Variants in EIF2A observed in about 807,000 individuals in gnomAD.
EIF2A encodes 65 kDa eukaryotic translation initiation factor 2A.
In EIF2A, 62 loss-of-function variants were observed where a neutral mutation model predicts 75.2. That is an observed-to-expected ratio of 0.82 (90% CI 0.67 to 1.02). The LOEUF (loss-of-function observed/expected upper bound fraction) is 1.02, where lower values mean the gene tolerates loss of function less well. EIF2A is among the 50% of genes least tolerant of loss of function. The pLI, the probability that EIF2A is intolerant of heterozygous loss-of-function variation, is 0.00. For synonymous variants in EIF2A, 207 were observed against 239.0 expected (o/e 0.87, Z 1.23); for missense variants, 611 against 677.7 (o/e 0.90, Z 1.09).
chr3:150,570,140 C>T (rs1440709743), intron 9 of EIF2A, among the ~76,000 whole-genome samples: 1 of 151,602 alleles, frequency 6.6e-6, no homozygotes, highest in Admixed American at 6.6e-5. Context: ...TTTTTCTAAT[C>T]TTAAGAGTAG....
chr3:150,570,121 G>T (rs1724421292), intron 9 of EIF2A, among the ~76,000 whole-genome samples: 1 of 151,996 alleles, frequency 6.6e-6, no homozygotes, highest in African/African-American at 2.4e-5. Flanking sequence ...AGAATATATG[G>T]GAGAATTTTT....
Position 150,546,813 on chromosome 3 carries a change from C to A in EIF2A, c.11C>A (p.Ser4Tyr), listed in dbSNP as rs771583168. The A allele has an allele frequency of 2.5e-6, 4 of 1,612,400 alleles. No homozygotes were observed. The East Asian group carries it at 8.9e-5, about 36-fold the overall frequency. ...TCTTTCCGGGACAACATGGCGCCGTCCACGCCGCTCTTGACAGGTGAGTTC... is the reference window on the plus strand; with the variant it reads ...TCTTTCCGGGACAACATGGCGCCGTACACGCCGCTCTTGACAGGTGAGTTC... MAP[S>Y]TPLLTVRGSE... Residue 4 changes from serine (S) to tyrosine (Y), a missense_variant, in exon 1 of 14, where the codon TCC (serine) becomes TAC (tyrosine). Coordinates refer to ENST00000460851, the MANE Select transcript of EIF2A (RefSeq NM_032025.5).
Position 150,561,960 on chromosome 3 carries a change from T to C in EIF2A, c.174-582T>C, listed in dbSNP as rs1170050651. ...TGTTAGTAGAGACAGAGGTTCTCCATGTTGGCCAGGCTGGTCTCGAACTCC... is the reference window on the plus strand; with the variant it reads ...TGTTAGTAGAGACAGAGGTTCTCCACGTTGGCCAGGCTGGTCTCGAACTCC... On this transcript the variant is annotated intron_variant, in intron 3 of 13. Transcript: ENST00000460851. Among the ~76,000 whole-genome samples, 3 of 152,000 alleles carry C rather than the reference T, an allele frequency of 2.0e-5. No individual in the cohort carries two copies. In the East Asian group the frequency reaches 5.9e-4, roughly 30 times the overall value.
chr3:150,576,854 A>C (rs1177299706), intron 11 of EIF2A, among the ~76,000 whole-genome samples: 1 of 152,238 alleles, frequency 6.6e-6, no homozygotes, highest in Non-Finnish European at 1.5e-5. Flanking sequence ...ACGTAGTTGA[A>C]AAGCCACACC....
chr3:150,546,888 T>G, intron 1 of EIF2A, 58 bp downstream of exon 1: 1 of 1,604,580 alleles, frequency 6.2e-7, no homozygotes, highest in Non-Finnish European at 8.5e-7. Context: ...TATTTTTGTC[T>G]TTGCCTTTGA....
chr3:150,548,617 G>C (rs1348263035), intron 1 of EIF2A, among the ~76,000 whole-genome samples: 2 of 152,200 alleles, frequency 1.3e-5, no homozygotes, highest in East Asian at 3.9e-4. Context: ...AGCCTCATAA[G>C]AGCGCAAACC....
chr3:150,555,995 A>T (rs1247216019), intron 2 of EIF2A, among the ~76,000 whole-genome samples: 1 of 152,138 alleles, frequency 6.6e-6, no homozygotes, highest in African/African-American at 2.4e-5. Flanking sequence ...ACAGGGTAAG[A>T]AGTTTACTAC....
At chr3:150,569,421 T>A (rs1324307693) in intron 9 of EIF2A, among the ~76,000 whole-genome samples, 2 of 26,740 alleles carry the variant, frequency 7.5e-5, no homozygotes, top group African/African-American at 1.9e-4. Flanking sequence ...TGCTAACTGA[T>A]TTTTTTTTTT....
intron 1 of EIF2A, among the ~76,000 whole-genome samples, chr3:150,550,697 T>C (rs577350473): frequency 1.3e-5 from 2 of 152,146 alleles, no homozygotes; most frequent in African/African-American, 2.4e-5. Flanking sequence ...ACAAGAAATA[T>C]AAAACTTAAC....
intron 9 of EIF2A, among the ~76,000 whole-genome samples, chr3:150,570,922 C>T (rs1054173378): frequency 2.6e-5 from 4 of 151,704 alleles, no homozygotes; most frequent in Admixed American, 1.3e-4. Context: ...CAAAATTAGC[C>T]CGGCGTGGTG....
At chr3:150,551,959 T>A (rs939245183) in intron 1 of EIF2A, among the ~76,000 whole-genome samples, 1 of 152,222 alleles carries the variant, frequency 6.6e-6, no homozygotes, top group South Asian at 2.1e-4. Context: ...TATTACTTTA[T>A]ATAAAGCATA....
At chr3:150,582,529 T>G (rs979400867) in intron 12 of EIF2A, among the ~76,000 whole-genome samples, 1 of 151,994 alleles carries the variant, frequency 6.6e-6, no homozygotes, top group African/African-American at 2.4e-5. Flanking sequence ...TTAGCCAGGA[T>G]GGTTTCAATC....
chr3:150,547,565 A>G (rs547709422), intron 1 of EIF2A, among the ~76,000 whole-genome samples: 57 of 152,292 alleles, frequency 3.7e-4, no homozygotes, highest in Middle Eastern at 3.4e-3. Context: ...AGTATTACGT[A>G]AGGAAAAGAG....
intron 1 of EIF2A, among the ~76,000 whole-genome samples, chr3:150,549,314 G>A (rs1723204771): frequency 6.6e-6 from 1 of 151,216 alleles, no homozygotes; most frequent in Non-Finnish European, 1.5e-5. Flanking sequence ...CACCTCCCAA[G>A]TGCAAGCAAT....
At chr3:150,575,598 A>T in intron 10 of EIF2A, 51 bp from the exon 11 acceptor site, 1 of 1,307,668 alleles carries the variant, frequency 7.6e-7, no homozygotes, top group Non-Finnish European at 1.1e-6. Flanking sequence ...TTGTTGTTGT[A>T]GGTGTTTACA....
chr3:150,581,482 A>G, intron 11 of EIF2A, 136 bp from the exon 12 acceptor site: 1 of 1,128,410 alleles, frequency 8.9e-7, no homozygotes, highest in Non-Finnish European at 1.2e-6. Flanking sequence ...TGAGACCTTT[A>G]ATTCAGATTC....
intron 2 of EIF2A, among the ~76,000 whole-genome samples, chr3:150,553,060 T>C (rs1202008325): frequency 6.6e-6 from 1 of 152,156 alleles, no homozygotes; most frequent in Non-Finnish European, 1.5e-5. Flanking sequence ...CTCACGCCTG[T>C]AATCCCAGCA....
At chr3:150,578,540 G>C (rs911310868) in intron 11 of EIF2A, among the ~76,000 whole-genome samples, 1 of 151,674 alleles carries the variant, frequency 6.6e-6, no homozygotes, top group Non-Finnish European at 1.5e-5. Flanking sequence ...ACAACTCTCA[G>C]TTATATGTTT....
At chr3:150,549,648 C>G (rs1723221013) in intron 1 of EIF2A, among the ~76,000 whole-genome samples, 1 of 152,180 alleles carries the variant, frequency 6.6e-6, no homozygotes, top group East Asian at 1.9e-4. Context: ...CAGCAAAAAT[C>G]TCAAGGCTAG....
Sources: allele counts gnomAD v4.1 joint callset (sites outside exome capture counted in the v4.1 genomes callset), GRCh38; gene constraint gnomAD v4.1.1; transcripts MANE v1.5; gene names NCBI Gene and HGNC (gene_info 2026-07-23, HGNC 2026-07-21).